The following GPR39 variants were observed in gnomAD, a reference collection of about 807,000 sequenced individuals.
GPR39 encodes the protein G protein-coupled receptor 39, also known as zinc sensing receptor.
In GPR39, 23 loss-of-function variants were observed where a neutral mutation model predicts 18.4. That is an observed-to-expected ratio of 1.25 (90% confidence interval 0.90 to 1.77). GPR39 has a LOEUF of 1.77. Among genes scored for constraint, GPR39 ranks in the 40% most tolerant of loss-of-function variants. The probability of loss-of-function intolerance (pLI) is 0.00; values close to 1 mark genes in which losing one functional copy is unlikely to be tolerated. For missense variants in GPR39, 647 were observed against 602.4 expected (o/e 1.07, Z -0.78); for synonymous variants, 280 against 257.9 (o/e 1.09, Z -0.82).
At chr2:132,614,506 TG>T (rs1681297536) in intron 1 of GPR39, among the ~76,000 whole-genome samples, 1 of 152,134 alleles carries the variant, frequency 6.6e-6, no homozygotes, top group South Asian at 2.1e-4. Flanking sequence ...CCCAAAGTTC[TG>T]GGATTATAGG....
intron 1 of GPR39, among the ~76,000 whole-genome samples, chr2:132,640,689 G>A (rs1681841780): frequency 6.6e-6 from 1 of 152,122 alleles, no homozygotes; most frequent in Non-Finnish European, 1.5e-5. Flanking sequence ...CATGCATTTA[G>A]TCAAATCTTT....
chr2:132,645,400 C>G lies in GPR39; in HGVS notation c.1156C>G (p.Arg386Gly), dbSNP rs367709282. 6.2e-7 allele frequency: 1 copy of G among 1,613,696 alleles called. No homozygotes were observed. Among genetic ancestry groups the G allele is most frequent in the Non-Finnish European group, 8.5e-7 (1 of 1,180,002 alleles). Residue 386 changes from arginine (R) to glycine (G), a missense_variant, in exon 2 of 2, where the codon CGC becomes GGC. Arg to Gly is a moderately radical substitution (Grantham distance 125). Transcript: ENST00000329321. The stretch of plus-strand genomic sequence containing the variant: ...TGCGCACTCCACCACCGACAGCGCC[C>G]GCTTTGTGCAGCGCCCGTTGCTCTT... Reference protein sequence around the residue: ...VHAHSTTDSARFVQRPLLFAS... With the variant: ...VHAHSTTDSAGFVQRPLLFAS...
chr2:132,469,510 T>C (rs948248714), intron 1 of GPR39, among the ~76,000 whole-genome samples: 4 of 152,230 alleles, frequency 2.6e-5, no homozygotes, highest in Non-Finnish European at 5.9e-5. Context: ...TAACACACTT[T>C]AGAAACAGGC....
In GPR39 at chr2:132,493,468, C is replaced by T. The variant is rs997389875; in HGVS notation, c.856+75570C>T. On this transcript the variant is annotated intron_variant, in intron 1 of 1. Transcript: ENST00000329321. ...TATATATACACACCATATATATATA[C>T]ACCATATATATATATACACCATATA... is the stretch of plus-strand genomic sequence containing the variant. Among the ~76,000 whole-genome samples the T allele has an allele frequency of 6.4e-5, 9 of 141,612 alleles. No individual in the cohort carries two copies. The South Asian group carries it at 2.0e-3, about 31-fold the overall frequency. 92.9% of individuals were successfully genotyped at this position (141,612 alleles called of 152,430 possible).
rs115932986 is a variant in GPR39 at position 132,514,852 on chromosome 2, C to A, written c.856+96954C>A. On this transcript the variant is annotated intron_variant, in intron 1 of 1. Coordinates refer to ENST00000329321, the MANE Select transcript of GPR39 (RefSeq NM_001508.3). ...TATTTTGGTAACAAATTGAACAATCCTTTTTTCTCTCTGAGTTCTTGTTTT... is the reference window on the plus strand; with the variant it reads ...TATTTTGGTAACAAATTGAACAATCATTTTTTCTCTCTGAGTTCTTGTTTT... Among the ~76,000 whole-genome samples, 1,248 of 152,208 alleles carry A rather than the reference C, an allele frequency of 8.2e-3. 19 individuals are homozygous for A. Among genetic ancestry groups the A allele is most frequent in the African/African-American group, 0.029 (1,186 of 41,528 alleles).
chr2:132,454,742 T>C (rs192194615), intron 1 of GPR39, among the ~76,000 whole-genome samples: 2 of 152,102 alleles, frequency 1.3e-5, no homozygotes, highest in East Asian at 1.9e-4. Flanking sequence ...GAGATAATCA[T>C]GTGGTTTTTG....
At chr2:132,466,970 A>AT (rs1002573692) in intron 1 of GPR39, among the ~76,000 whole-genome samples, 47 of 152,236 alleles carry the variant, frequency 3.1e-4, no homozygotes, top group African/African-American at 8.9e-4. Flanking sequence ...CATGTTTTAT[A>AT]TTTTTTTAAC....
chr2:132,418,553 T>C (rs1053307034), intron 1 of GPR39: 1 of 152,212 alleles, frequency 6.6e-6, no homozygotes, highest in African/African-American at 2.4e-5. Context: ...GACGGCCTGT[T>C]TATCTGATCC....
chr2:132,578,407 TCTC>T (rs760368709), intron 1 of GPR39, among the ~76,000 whole-genome samples: 3 of 152,174 alleles, frequency 2.0e-5, no homozygotes, highest in Non-Finnish European at 2.9e-5. Context: ...TGGGAAGTAT[TCTC>T]CTCTTTTCTG....
At chr2:132,558,078 C>T (rs1680187486) in intron 1 of GPR39, among the ~76,000 whole-genome samples, 1 of 152,078 alleles carries the variant, frequency 6.6e-6, no homozygotes, top group Non-Finnish European at 1.5e-5. Context: ...AGGATACGTT[C>T]TCAGAAAAAT....
chr2:132,644,160 A>G (rs1162926490), intron 1 of GPR39, among the ~76,000 whole-genome samples: 1 of 152,214 alleles, frequency 6.6e-6, no homozygotes, highest in Non-Finnish European at 1.5e-5. Context: ...TTTGTGGTCT[A>G]TGTAGCATCT....
chr2:132,563,137 G>C (rs1680285171), intron 1 of GPR39, among the ~76,000 whole-genome samples: 1 of 152,116 alleles, frequency 6.6e-6, no homozygotes, highest in African/African-American at 2.4e-5. Context: ...TTTCAAAAGG[G>C]GAGTGTAGTT....
chr2:132,613,781 G>A (rs1681278327), intron 1 of GPR39, among the ~76,000 whole-genome samples: 1 of 152,188 alleles, frequency 6.6e-6, no homozygotes, highest in Admixed American at 6.5e-5. Context: ...GTCTATTGAA[G>A]TTTAGCACAA....
At chr2:132,592,183 C>T (rs1041018046) in intron 1 of GPR39, among the ~76,000 whole-genome samples, 4 of 152,124 alleles carry the variant, frequency 2.6e-5, no homozygotes, top group East Asian at 3.8e-4. Flanking sequence ...ACAAGTGCCA[C>T]GTATGTAGCA....
intron 1 of GPR39, among the ~76,000 whole-genome samples, chr2:132,445,449 G>T (rs1392965331): frequency 6.6e-6 from 1 of 152,074 alleles, no homozygotes; most frequent in African/African-American, 2.4e-5. Context: ...AAGATAATTT[G>T]TTAATCAAAA....
chr2:132,438,173 G>C (rs182014402), intron 1 of GPR39, among the ~76,000 whole-genome samples: 1 of 152,318 alleles, frequency 6.6e-6, no homozygotes, highest in Admixed American at 6.5e-5. Context: ...GGGTCACTTA[G>C]AGATGGAAAC....
chr2:132,584,192 G>A (rs1383491202), intron 1 of GPR39, among the ~76,000 whole-genome samples: 1 of 152,128 alleles, frequency 6.6e-6, no homozygotes, highest in African/African-American at 2.4e-5. Context: ...TGGTGCAGAA[G>A]AAAAGGGATG....
At chr2:132,529,371 G>A (rs909701459) in intron 1 of GPR39, among the ~76,000 whole-genome samples, 3 of 152,238 alleles carry the variant, frequency 2.0e-5, no homozygotes, top group African/African-American at 7.2e-5. Flanking sequence ...CGAACTGGGT[G>A]GAGCCCACCA....
chr2:132,629,831 C>T (rs1040922686), intron 1 of GPR39, among the ~76,000 whole-genome samples: 2 of 152,186 alleles, frequency 1.3e-5, no homozygotes, highest in East Asian at 3.9e-4. Flanking sequence ...TGGATGATAG[C>T]ATGGTAAACA....
Sources: allele counts gnomAD v4.1 joint callset (sites outside exome capture counted in the v4.1 genomes callset), GRCh38; gene constraint gnomAD v4.1.1; transcripts MANE v1.5; gene names NCBI Gene and HGNC (gene_info 2026-07-23, HGNC 2026-07-21).